Variants in DDAH1 observed in about 807,000 individuals in gnomAD.
The protein encoded by DDAH1 is dimethylarginine dimethylaminohydrolase 1.
DDAH1 carries 19 observed loss-of-function variants against 28.8 expected under a neutral mutation model. The ratio of observed to expected loss-of-function variants is 0.66; its 90% confidence interval spans 0.46 to 0.97. The LOEUF is 0.97. Ranked by LOEUF, DDAH1 falls within the 50% of genes least tolerant of loss-of-function variation. The pLI is 0.00. For missense variants in DDAH1, 326 were observed against 375.9 expected, an observed-to-expected ratio of 0.87 and a Z score of 1.10; for synonymous variants, 153 against 154.4, an observed-to-expected ratio of 0.99 and a Z score of 0.07.
intron 1 of DDAH1, among the ~76,000 whole-genome samples, chr1:85,381,809 A>G (rs572152038): frequency 6.6e-6 from 1 of 152,128 alleles, no homozygotes; most frequent in South Asian, 2.1e-4. Flanking sequence ...GCTTGCTTAT[A>G]TCTCTGTGTC....
chr1:85,321,441 G>A lies in DDAH1; in HGVS notation c.*11C>T, dbSNP rs116870917. On this transcript the variant is annotated 3_prime_UTR_variant, in exon 6 of 6. Transcript: ENST00000284031. ...TGCGGTCTTGCCGGCTACCGGGGGGGACTCTGCAGCTCAGGAGTCTACTTT... is the reference window on the plus strand; with the variant it reads ...TGCGGTCTTGCCGGCTACCGGGGGGAACTCTGCAGCTCAGGAGTCTACTTT... 6 of 1,588,408 alleles carry A rather than the reference G, an allele frequency of 3.8e-6. No homozygotes were observed. Among genetic ancestry groups the A allele is most frequent in the South Asian group, 3.3e-5 (3 of 90,514 alleles).
intron 1 of DDAH1, among the ~76,000 whole-genome samples, chr1:85,565,370 A>T (rs1027941013): frequency 2.6e-4 from 40 of 152,322 alleles, no homozygotes; most frequent in African/African-American, 9.6e-4. Context: ...GAATATACAA[A>T]TGAGTGCATA....
At chr1:85,411,055 G>A (rs1652632475) in intron 1 of DDAH1, among the ~76,000 whole-genome samples, 1 of 152,182 alleles carries the variant, frequency 6.6e-6, no homozygotes, top group East Asian at 1.9e-4. Flanking sequence ...CTCTACCCAA[G>A]CATATTCTTC....
intron 1 of DDAH1, among the ~76,000 whole-genome samples, chr1:85,415,442 T>C (rs1476053113): frequency 3.3e-5 from 5 of 152,216 alleles, no homozygotes; most frequent in Non-Finnish European, 5.9e-5. Flanking sequence ...TGAGAGAATT[T>C]CTAGCACGTG....
chr1:85,416,656 T>G (rs1652901421), intron 1 of DDAH1, among the ~76,000 whole-genome samples: 1 of 152,182 alleles, frequency 6.6e-6, no homozygotes, highest in African/African-American at 2.4e-5. Flanking sequence ...ACAACTGAAC[T>G]GGTGCCTTCT....
chr1:85,507,537 A>AACAAACAAACAG (rs1657061952), intron 1 of DDAH1, among the ~76,000 whole-genome samples: 2 of 152,012 alleles, frequency 1.3e-5, no homozygotes, highest in African/African-American at 4.8e-5. Flanking sequence ...TAAACAAACA[A>AACAAACAAACAG]ACAGCATCTC....
intron 4 of DDAH1, among the ~76,000 whole-genome samples, chr1:85,348,271 T>C (rs1167832321): frequency 2.0e-5 from 3 of 152,164 alleles, no homozygotes; most frequent in Non-Finnish European, 2.9e-5. Context: ...TGCCAAGCCA[T>C]GCAATAGGAC....
chr1:85,540,519 C>T (rs1044953454), intron 1 of DDAH1, among the ~76,000 whole-genome samples: 7 of 152,286 alleles, frequency 4.6e-5, no homozygotes, highest in East Asian at 1.9e-4. Flanking sequence ...GCTAGGGTTA[C>T]GTATACGCTT....
rs746122910 is a variant in DDAH1 at position 85,464,731 on chromosome 1, G to A, written c.303+12C>T. 1.3e-6 allele frequency: 2 copies of A among 1,504,900 alleles called. No individual in the cohort carries two copies. The highest frequency in any genetic ancestry group is 1.8e-6 in the Non-Finnish European group (2 of 1,134,806). The allele number at this position is 1,504,900 out of a possible 1,614,324, so 93.2% of individuals were successfully genotyped here. A position where few individuals can be genotyped will look rare whatever the true frequency, so the allele number is the denominator to read the frequency against. ...CGCGCGCCCCGGCCGCGCCCCTCGA[G>A]TCGGCAGTTACCTCCTTCCTCCGGC... On this transcript the variant is annotated intron_variant, in intron 1 of 5. Transcript: ENST00000284031. The surrounding 1 kb of genome is among the most constrained non-coding windows in gnomAD (Gnocchi z 4.4).
intron 4 of DDAH1, among the ~76,000 whole-genome samples, chr1:85,339,186 G>A (rs1229973153): frequency 7.9e-5 from 12 of 152,114 alleles, no homozygotes; most frequent in Non-Finnish European, 1.8e-4. Context: ...AAAGAAATAA[G>A]TGATTAGAAA....
chr1:85,511,492 C>A (rs1219947643), intron 1 of DDAH1, among the ~76,000 whole-genome samples: 1 of 152,122 alleles, frequency 6.6e-6, no homozygotes, highest in Non-Finnish European at 1.5e-5. Flanking sequence ...CAAGAAATAA[C>A]TAAGATCAGA....
intron 4 of DDAH1, 145 bp from the exon 5 acceptor site, chr1:85,325,028 T>G (rs1410824707): frequency 2.2e-6 from 2 of 896,694 alleles, no homozygotes; most frequent in South Asian, 2.3e-5. Context: ...CTCCAGTCAC[T>G]TAGAACCAGA....
intron 1 of DDAH1, among the ~76,000 whole-genome samples, chr1:85,507,245 C>T (rs542323187): frequency 1.3e-5 from 2 of 152,244 alleles, no homozygotes; most frequent in African/African-American, 4.8e-5. Context: ...TGGCTCATGC[C>T]TGTAATCGCA....
chr1:85,326,748 G>A (rs1570374291), intron 4 of DDAH1, among the ~76,000 whole-genome samples: 1 of 152,170 alleles, frequency 6.6e-6, no homozygotes, highest in East Asian at 1.9e-4. Flanking sequence ...CATCTCTCTT[G>A]CACTTTTGAA....
upstream of DDAH1, among the ~76,000 whole-genome samples, chr1:85,467,831 G>A (rs898246407): frequency 6.6e-6 from 1 of 152,190 alleles, no homozygotes; most frequent in African/African-American, 2.4e-5. Flanking sequence ...AAAGAAGGAA[G>A]CACAAAGACA....
intron 1 of DDAH1, among the ~76,000 whole-genome samples, chr1:85,457,405 G>GCCC (rs1283773093): frequency 6.6e-6 from 1 of 151,984 alleles, no homozygotes; most frequent in Non-Finnish European, 1.5e-5. Context: ...CATAAAATCT[G>GCCC]CCCCCGTGTT....
chr1:85,398,982 C>T (rs1016260047), intron 1 of DDAH1: 3 of 152,154 alleles, frequency 2.0e-5, no homozygotes, highest in Non-Finnish European at 4.4e-5. Context: ...AGAGTTAGTA[C>T]TGTCTGTTTT....
At chr1:85,399,812 A>C (rs1460355923) in intron 1 of DDAH1, 5 of 152,104 alleles carry the variant, frequency 3.3e-5, no homozygotes, top group African/African-American at 1.2e-4. Flanking sequence ...TGAAATAATC[A>C]ATCTGTTTTT....
intron 1 of DDAH1, among the ~76,000 whole-genome samples, chr1:85,536,947 GCA>G (rs147301398): frequency 1.7e-5 from 1 of 59,046 alleles, no homozygotes; most frequent in African/African-American, 6.7e-5. Flanking sequence ...AGAAAATGTG[GCA>G]TATATATATA....
Sources: gnomAD v4.1 joint callset for allele counts (sites outside exome capture counted in the v4.1 genomes callset) on GRCh38, gnomAD v4.1.1 for gene constraint, Gnocchi (gnomAD v3.1) non-coding constraint, MANE v1.5 for transcripts, NCBI Gene and HGNC (gene_info 2026-07-23, HGNC 2026-07-21) for gene names.